The following CLIC5 variants were observed in gnomAD, a reference collection of about 807,000 sequenced individuals.
The protein encoded by CLIC5 is chloride intracellular channel protein 5.
A neutral mutation model predicts 24.7 loss-of-function variants in CLIC5; 20 were observed. The ratio of observed to expected loss-of-function variants is 0.81; its 90% CI spans 0.57 to 1.18. CLIC5 has a LOEUF of 1.18. Ranked by LOEUF, CLIC5 falls within the 50% of genes most tolerant of loss-of-function variation. The pLI is 0.00. For missense variants in CLIC5, 341 were observed against 326.1 expected (o/e 1.05, Z -0.35); for synonymous variants, 159 against 135.6 (o/e 1.17, Z -1.20).
intron 1 of CLIC5, among the ~76,000 whole-genome samples, chr6:45,972,114 A>G (rs942761632): frequency 6.6e-6 from 1 of 152,252 alleles, no homozygotes; most frequent in Non-Finnish European, 1.5e-5. Flanking sequence ...AACAAATTTA[A>G]CATAAGTAGA....
chr6:45,882,629 G>A lies in CLIC5; in HGVS notation c.624-1441C>T, dbSNP rs79472676. 2.1e-3 allele frequency among the ~76,000 whole-genome samples: 317 copies of A among 152,274 alleles called. 12 individuals carry two copies. The East Asian group carries it at 0.056, about 27-fold the overall frequency. ...CTGTAACTCATTAATAGTAAGATAC[G>A]CATGTGTTTTTGTTTTATCACCCTT... is the stretch of plus-strand genomic sequence containing the variant. On this transcript the variant is annotated intron_variant, in intron 6 of 6. Coordinates refer to the CLIC5 transcript ENST00000644324.
intron 3 of CLIC5, among the ~76,000 whole-genome samples, chr6:45,945,096 G>T (rs1350703418): frequency 6.6e-6 from 1 of 152,122 alleles, no homozygotes; most frequent in Non-Finnish European, 1.5e-5. Flanking sequence ...TAAGACCTAA[G>T]GTCACCAATT....
At chr6:46,086,397 G>A in the CLIC5 span, among the ~76,000 whole-genome samples, 11 of 152,286 alleles carry the variant, frequency 7.2e-5, no homozygotes, top group South Asian at 2.1e-4. Context: ...GCTGCCCTTC[G>A]TGAATGTCTT....
intron 1 of CLIC5, among the ~76,000 whole-genome samples, chr6:46,012,346 A>G (rs777986424): frequency 7.2e-5 from 11 of 152,218 alleles, no homozygotes; most frequent in Non-Finnish European, 1.3e-4. Flanking sequence ...TCCCTGCGCC[A>G]TCCACAGGTA....
upstream of CLIC5, among the ~76,000 whole-genome samples, chr6:46,083,618 G>T (rs1199649184): frequency 6.6e-6 from 1 of 152,126 alleles, no homozygotes; most frequent in African/African-American, 2.4e-5. Context: ...GTTCTATTTT[G>T]ATTGCACTGT....
At chr6:46,025,865 C>T (rs981472634) in intron 1 of CLIC5, among the ~76,000 whole-genome samples, 6 of 152,132 alleles carry the variant, frequency 3.9e-5, no homozygotes, top group Admixed American at 2.6e-4. Context: ...GTCTGTGGCA[C>T]TTCCCCCTTT....
chr6:45,912,442 T>A, intron 5 of CLIC5: 3 of 1,185,246 alleles, frequency 2.5e-6, no homozygotes, highest in Non-Finnish European at 3.2e-6. Flanking sequence ...ATTCATTTGT[T>A]TGCTTTGTTC....
chr6:46,025,120 T>C (rs1437534042), intron 1 of CLIC5, among the ~76,000 whole-genome samples: 5 of 152,252 alleles, frequency 3.3e-5, no homozygotes, highest in Admixed American at 1.3e-4. Flanking sequence ...AATTCAGGAA[T>C]TTCTAGTCCT....
downstream of CLIC5, among the ~76,000 whole-genome samples, chr6:45,893,868 AT>A (rs1215005296): frequency 1.3e-5 from 2 of 152,066 alleles, no homozygotes; most frequent in Admixed American, 1.3e-4. Flanking sequence ...AAAAAAAGAA[AT>A]TTTTCTTTTT....
rs1191513437 is a variant in CLIC5, at chr6:45,949,275, C to T, written c.280G>A (p.Glu94Lys). ...CCTTACTTTTCAGGGGTCAAGGTCT[C>T]CTCCAGGAACTCCTCGATCTTATTG... is the stretch of plus-strand genomic sequence containing the variant. ...DVNKIEEFLE[E>K]TLTPEKYPKL... Residue 94 changes from glutamate to lysine, a missense_variant, in exon 3 of 6, where the codon GAG becomes AAG. Glu to Lys is a moderately conservative substitution (Grantham distance 56, BLOSUM62 1). Coordinates refer to ENST00000339561, the MANE Select transcript of CLIC5 (RefSeq NM_016929.5). The T allele has an allele frequency of 1.9e-6, 3 of 1,613,752 alleles. No individual in the cohort carries two copies. In the South Asian group the frequency reaches 3.3e-5, roughly 18 times the overall value.
upstream of CLIC5, among the ~76,000 whole-genome samples, chr6:46,085,243 T>C (rs1352833773): frequency 6.6e-6 from 1 of 152,228 alleles, no homozygotes; most frequent in African/African-American, 2.4e-5. Flanking sequence ...CTCGGAGTAG[T>C]TTGATCGTCT....
chr6:46,109,031 T>C, the CLIC5 span, among the ~76,000 whole-genome samples: 1 of 152,190 alleles, frequency 6.6e-6, no homozygotes, highest in South Asian at 2.1e-4. Context: ...CAAGGTTATA[T>C]AGATTCCCTA....
chr6:46,079,541 G>C (rs1263833663), intron 1 of CLIC5, among the ~76,000 whole-genome samples: 1 of 152,202 alleles, frequency 6.6e-6, no homozygotes, highest in African/African-American at 2.4e-5. Context: ...GTGAAGAGCT[G>C]AGTACACTCT....
At chr6:45,888,639 T>A (rs777964540) in intron 6 of CLIC5, among the ~76,000 whole-genome samples, 8 of 152,226 alleles carry the variant, frequency 5.3e-5, no homozygotes, top group Non-Finnish European at 1.0e-4. Flanking sequence ...ACATATTACA[T>A]AATTTTCAAA....
upstream of CLIC5, among the ~76,000 whole-genome samples, chr6:46,082,072 C>T (rs1041330859): frequency 6.6e-6 from 1 of 152,152 alleles, no homozygotes; most frequent in African/African-American, 2.4e-5. Context: ...ATTTTCACCC[C>T]TTGGGGGGTG....
At chr6:46,057,240 G>A (rs1305890906) in intron 1 of CLIC5, among the ~76,000 whole-genome samples, 1 of 152,224 alleles carries the variant, frequency 6.6e-6, no homozygotes, top group Non-Finnish European at 1.5e-5. Context: ...CCCAGGGGGA[G>A]GTAATTCAAT....
chr6:46,011,874 A>T (rs925329105), intron 1 of CLIC5, among the ~76,000 whole-genome samples: 7 of 152,214 alleles, frequency 4.6e-5, no homozygotes, highest in African/African-American at 1.7e-4. Flanking sequence ...CTCTCAAAAT[A>T]TCCCTGCAAG....
intron 1 of CLIC5, among the ~76,000 whole-genome samples, chr6:46,079,327 G>A (rs1762858467): frequency 6.6e-6 from 1 of 152,196 alleles, no homozygotes; most frequent in African/African-American, 2.4e-5. Flanking sequence ...TCTTTCACAA[G>A]CTTTGGTTTC....
At chr6:45,978,681 G>A (rs1030446236) in intron 1 of CLIC5, among the ~76,000 whole-genome samples, 55 of 152,326 alleles carry the variant, frequency 3.6e-4, no homozygotes, top group African/African-American at 1.3e-3. Context: ...ATGAGGCTGG[G>A]CGCAGTGGCT....
Sources: gnomAD v4.1 joint callset for allele counts (sites outside exome capture counted in the v4.1 genomes callset) on GRCh38, gnomAD v4.1.1 for gene constraint, MANE v1.5 for transcripts, NCBI Gene and HGNC (gene_info 2026-07-23, HGNC 2026-07-21) for gene names.